AGTPBP1: variants seen among roughly 807,000 people sequenced by gnomAD.
AGTPBP1 encodes the protein cytosolic carboxypeptidase 1.
In AGTPBP1, 70 loss-of-function variants were observed where a neutral mutation model predicts 143.9. That is an observed-to-expected ratio of 0.49 (90% confidence interval 0.40 to 0.59). The LOEUF is 0.59. Among genes scored for constraint, AGTPBP1 ranks in the 20% least tolerant of loss-of-function variants. The pLI is 0.00. For synonymous variants in AGTPBP1, 463 were observed against 500.2 expected (o/e 0.93, Z 0.99); for missense variants, 1,229 against 1,464.5 (o/e 0.84, Z 2.62).
At chr9:85,690,499 G>T (rs1835792705) in intron 3 of AGTPBP1, among the ~76,000 whole-genome samples, 1 of 151,740 alleles carries the variant, frequency 6.6e-6, no homozygotes. Context: ...ATTTTCAGTG[G>T]TGGGAAGAGG....
At chr9:85,590,014 C>T (rs1248291617) in intron 19 of AGTPBP1, among the ~76,000 whole-genome samples, 2 of 152,078 alleles carry the variant, frequency 1.3e-5, no homozygotes, top group African/African-American at 2.4e-5. Flanking sequence ...TGCCTCCAAA[C>T]GAGTTCCAAA....
At chr9:85,685,513 T>G (rs988297602) in intron 3 of AGTPBP1, among the ~76,000 whole-genome samples, 18 of 151,950 alleles carry the variant, frequency 1.2e-4, no homozygotes, top group Admixed American at 1.2e-3. Context: ...ACGATGAAAC[T>G]GCCAAACCAG....
chr9:85,568,943 A>G (rs1321434269), intron 25 of AGTPBP1, among the ~76,000 whole-genome samples: 1 of 152,312 alleles, frequency 6.6e-6, no homozygotes, highest in African/African-American at 2.4e-5. Context: ...AAGTTGGAAG[A>G]TGGATCCACA....
At chr9:85,723,659 C>T (rs572141523) in intron 1 of AGTPBP1, among the ~76,000 whole-genome samples, 74 of 152,316 alleles carry the variant, frequency 4.9e-4, no homozygotes, top group Middle Eastern at 3.4e-3. Flanking sequence ...CCAGGTGAGG[C>T]GCTGCTTCAG....
At chr9:85,680,918 T>C (rs1035807766) in intron 4 of AGTPBP1, among the ~76,000 whole-genome samples, 1 of 152,222 alleles carries the variant, frequency 6.6e-6, no homozygotes, top group Non-Finnish European at 1.5e-5. Flanking sequence ...TGTTTTAAGC[T>C]AAAGATTTAT....
At chr9:85,680,140 T>C (rs1014702427) in intron 4 of AGTPBP1, among the ~76,000 whole-genome samples, 1 of 152,258 alleles carries the variant, frequency 6.6e-6, no homozygotes, top group Admixed American at 6.5e-5. Flanking sequence ...AGTCTATCTA[T>C]TACTCATGCA....
intron 14 of AGTPBP1, among the ~76,000 whole-genome samples, chr9:85,626,708 C>A (rs60769483): frequency 2.6e-5 from 4 of 152,150 alleles, no homozygotes; most frequent in African/African-American, 9.7e-5. Flanking sequence ...GCCAGATAGG[C>A]TTTGCAGGCC....
intron 17 of AGTPBP1, among the ~76,000 whole-genome samples, chr9:85,597,559 A>G (rs1290530003): frequency 6.6e-6 from 1 of 152,132 alleles, no homozygotes; most frequent in Non-Finnish European, 1.5e-5. Flanking sequence ...AATAGCTAAC[A>G]ATGAATAATT....
Position 85,621,183 on chromosome 9 carries a change from C to T in AGTPBP1, c.2099+19G>A. On this transcript the variant is annotated intron_variant, in intron 15 of 25. Coordinates refer to ENST00000357081, the MANE Select transcript of AGTPBP1 (RefSeq NM_001330701.2). ...GAAAAACTTAAAACTAATAAAAGTT[C>T]ATTAAAATCAAGACTTACTTTGGGT... 1 of 1,355,714 alleles carries T rather than the reference C, an allele frequency of 7.4e-7. No homozygotes were observed. The highest frequency in any genetic ancestry group is 9.8e-7 in the Non-Finnish European group (1 of 1,022,660). 84.0% of individuals were successfully genotyped at this position (1,355,714 alleles called of 1,614,324 possible).
chr9:85,595,646 C>G (rs1829252688), intron 18 of AGTPBP1, among the ~76,000 whole-genome samples: 1 of 152,160 alleles, frequency 6.6e-6, no homozygotes. Flanking sequence ...CTTCCCTCAG[C>G]CTCCTGAGTA....
chr9:85,622,619 ACT>A (rs1223922572), intron 14 of AGTPBP1, among the ~76,000 whole-genome samples: 3 of 152,164 alleles, frequency 2.0e-5, no homozygotes, highest in East Asian at 1.9e-4. Flanking sequence ...ATAAAAAATA[ACT>A]CATTACTGAC....
chr9:85,785,154 G>A, the AGTPBP1 span, among the ~76,000 whole-genome samples: 1 of 152,096 alleles, frequency 6.6e-6, no homozygotes, highest in Non-Finnish European at 1.5e-5. Flanking sequence ...CTAACACGGT[G>A]AAACCCCATC....
At chr9:85,736,034 A>G (rs1490900762) in intron 1 of AGTPBP1, among the ~76,000 whole-genome samples, 2 of 152,184 alleles carry the variant, frequency 1.3e-5, no homozygotes, top group Non-Finnish European at 2.9e-5. Context: ...AAGGGAAACC[A>G]GGTCACTTTT....
intron 25 of AGTPBP1, among the ~76,000 whole-genome samples, chr9:85,562,716 T>TA (rs1826820984): frequency 4.6e-5 from 7 of 152,246 alleles, no homozygotes; most frequent in Admixed American, 4.6e-4. Context: ...ACCTTTTTCT[T>TA]AGTTTATTTA....
chr9:85,704,573 T>C (rs1228887168), intron 2 of AGTPBP1, among the ~76,000 whole-genome samples: 2 of 152,188 alleles, frequency 1.3e-5, no homozygotes, highest in Admixed American at 6.5e-5. Context: ...TCCAGTCCTA[T>C]CTAACAAACA....
chr9:85,773,873 A>C, the AGTPBP1 span: 3 of 1,611,274 alleles, frequency 1.9e-6, no homozygotes, highest in South Asian at 1.1e-5. Flanking sequence ...GGAAACAACA[A>C]TTATATAATG....
chr9:85,628,042 A>C (rs1471769109), intron 14 of AGTPBP1, among the ~76,000 whole-genome samples: 1 of 152,226 alleles, frequency 6.6e-6, no homozygotes, highest in Non-Finnish European at 1.5e-5. Flanking sequence ...CAAAGAGTAT[A>C]TAAAATTAGG....
At chr9:85,732,352 C>T (rs1305465905) in intron 1 of AGTPBP1, among the ~76,000 whole-genome samples, 1 of 151,482 alleles carries the variant, frequency 6.6e-6, no homozygotes, top group African/African-American at 2.4e-5. Flanking sequence ...GTAGCTGGGA[C>T]TACAGGCGCC....
At chr9:85,710,759 G>C (rs913363302) in intron 2 of AGTPBP1, among the ~76,000 whole-genome samples, 8 of 151,808 alleles carry the variant, frequency 5.3e-5, no homozygotes, top group Non-Finnish European at 1.0e-4. Context: ...AATGACCTTA[G>C]GAGCCAGAGG....
Sources: allele counts gnomAD v4.1 joint callset (sites outside exome capture counted in the v4.1 genomes callset), GRCh38; gene constraint gnomAD v4.1.1; transcripts MANE v1.5; gene names NCBI Gene and HGNC (gene_info 2026-07-23, HGNC 2026-07-21).